Variants in XKR5 observed in about 807,000 individuals in gnomAD.
XKR5 encodes XK related 5, also known as XK-related protein 5.
Under a neutral mutation model 40.8 loss-of-function variants are expected in XKR5, and 46 were observed. The observed-to-expected ratio is 1.13, with a 90% CI of 0.89 to 1.44. The LOEUF is 1.44. Among genes scored for constraint, XKR5 ranks in the 40% most tolerant of loss-of-function variants. The pLI is 0.00. For synonymous variants in XKR5, 466 were observed against 356.1 expected, an observed-to-expected ratio of 1.31 and a Z score of -3.48; for missense variants, 1,169 against 844.7, an observed-to-expected ratio of 1.38 and a Z score of -4.76.
chr8:6,828,061 G>A (rs1439712255), intron 2 of XKR5, among the ~76,000 whole-genome samples: 1 of 151,924 alleles, frequency 6.6e-6, no homozygotes, highest in Non-Finnish European at 1.5e-5. Context: ...AGAGGCAGAA[G>A]ACTCTCGTGA....
intron 2 of XKR5, among the ~76,000 whole-genome samples, chr8:6,829,747 C>T (rs1369944868): frequency 6.6e-6 from 1 of 151,308 alleles, no homozygotes; most frequent in Non-Finnish European, 1.5e-5. Context: ...GAACTCCTGG[C>T]CTCAAGAGAT....
At chr8:6,831,840 C>T (rs192925558) in intron 2 of XKR5, among the ~76,000 whole-genome samples, 3 of 151,946 alleles carry the variant, frequency 2.0e-5, no homozygotes, top group African/African-American at 7.3e-5. Context: ...CCAGTGAAAC[C>T]CTGTTTCGAC....
intron 5 of XKR5, among the ~76,000 whole-genome samples, chr8:6,820,428 G>A (rs1032199828): frequency 3.3e-5 from 5 of 152,256 alleles, no homozygotes; most frequent in African/African-American, 7.2e-5. Flanking sequence ...CCTGGGAGAT[G>A]ACACGGCAAC....
rs1387735385 is a variant in XKR5, at chr8:6,808,585, A to T, written c.*2613T>A. Reference sequence around the variant, plus strand: ...TAGTGTATATTTTCTGATCCTTTTCATCACCGGGCAATATGCTTTCTGGAG... The same window carrying T: ...TAGTGTATATTTTCTGATCCTTTTCTTCACCGGGCAATATGCTTTCTGGAG... On this transcript the variant is annotated 3_prime_UTR_variant, in exon 7 of 7. Coordinates refer to ENST00000618742, the MANE Select transcript of XKR5 (RefSeq NM_207411.5). 1 of 152,122 alleles carries T rather than the reference A, an allele frequency of 6.6e-6. No individual in the cohort carries two copies. Among genetic ancestry groups the T allele is most frequent in the Admixed American group, 6.5e-5 (1 of 15,268 alleles). 9.4% of individuals were successfully genotyped at this position (152,122 alleles called of 1,614,324 possible).
intron 2 of XKR5, among the ~76,000 whole-genome samples, chr8:6,827,947 A>G (rs921465638): frequency 1.3e-5 from 2 of 152,158 alleles, no homozygotes; most frequent in Admixed American, 6.5e-5. Context: ...GGGTGCCTGT[A>G]GTCCCAGCTA....
chr8:6,812,135 C>T lies in XKR5; in HGVS notation c.1124G>A (p.Gly375Glu). 10 of 1,550,426 alleles carry T rather than the reference C, an allele frequency of 6.4e-6. No homozygotes were observed. The highest frequency in any genetic ancestry group is 2.4e-5 in the East Asian group (1 of 40,920). Residue 375 changes from glycine (G) to glutamate (E), a missense_variant, in exon 7 of 7, where the codon GGG becomes GAG. Gly to Glu is a moderately conservative substitution (Grantham distance 98, BLOSUM62 -2). Transcript: ENST00000618742. The stretch of plus-strand genomic sequence containing the variant: ...GACCTGCTCAGGGGTAGGGGGCTTC[C>T]CTAAAATGGTTGGTTCATAACTTGC... ...QGASYEPTIL[G>E]KPPTPEQVPP...
At chr8:6,829,826 CTTTTTTTTTT>C (rs140715953) in intron 2 of XKR5, among the ~76,000 whole-genome samples, 10 of 63,562 alleles carry the variant, frequency 1.6e-4, no homozygotes, top group South Asian at 1.6e-3. Flanking sequence ...CAAATTCTTG[CTTTTTTTTTT>C]TTTTTTTTTT....
At chr8:6,819,439 G>T (rs1031628928) in intron 5 of XKR5, among the ~76,000 whole-genome samples, 4 of 152,224 alleles carry the variant, frequency 2.6e-5, no homozygotes, top group Non-Finnish European at 5.9e-5. Context: ...TTTCTAACCT[G>T]CCCAGAGGCA....
chr8:6,814,539 C>T (rs941874017), intron 6 of XKR5, among the ~76,000 whole-genome samples: 7 of 152,176 alleles, frequency 4.6e-5, no homozygotes, highest in Non-Finnish European at 1.0e-4. Flanking sequence ...GTTCTCCCTG[C>T]ACCTCGACGT....
At chr8:6,825,079 G>T in intron 3 of XKR5, 86 bp downstream of exon 3, 1 of 1,521,622 alleles carries the variant, frequency 6.6e-7, no homozygotes, top group Non-Finnish European at 9.0e-7. Context: ...AGGAAATCTC[G>T]AAGGGAGGGT....
At position 6,808,638 on chromosome 8, in the gene XKR5, G is replaced by C. The variant is rs577330621; in HGVS notation, c.*2560C>G. ...ATGAAGTGAGGAAGCCATCTGAGAA[G>C]CCGATGTTGGTCCACAGGGCCTCGA... On this transcript the variant is annotated 3_prime_UTR_variant, in exon 7 of 7. Transcript: ENST00000618742. The C allele has an allele frequency of 6.6e-6, 1 of 152,192 alleles. No homozygotes were observed. The highest frequency in any genetic ancestry group is 1.5e-5 in the Non-Finnish European group (1 of 68,040). 9.4% of individuals were successfully genotyped at this position (152,192 alleles called of 1,614,324 possible).
At chr8:6,814,849 C>A (rs1400291163) in intron 6 of XKR5, among the ~76,000 whole-genome samples, 3 of 152,222 alleles carry the variant, frequency 2.0e-5, no homozygotes, top group Non-Finnish European at 2.9e-5. Context: ...GCCCCTGCAT[C>A]TCACTAAGTG....
chr8:6,831,315 C>T (rs538075844), intron 2 of XKR5, among the ~76,000 whole-genome samples: 5 of 152,296 alleles, frequency 3.3e-5, no homozygotes, highest in South Asian at 2.1e-4. Context: ...TTCAGGGGAA[C>T]GGCACTGCTT....
chr8:6,825,135 A>T (rs763636426), intron 3 of XKR5, 30 bp downstream of exon 3: 41 of 1,609,866 alleles, frequency 2.5e-5, no homozygotes, highest in Non-Finnish European at 3.2e-5. Context: ...GCAGTCAGAC[A>T]GTCTGTGCTC....
At chr8:6,830,553 G>T (rs1316193204) in intron 2 of XKR5, among the ~76,000 whole-genome samples, 1 of 152,188 alleles carries the variant, frequency 6.6e-6, no homozygotes. Context: ...ACCCGCTTCC[G>T]ATAGCTGTGC....
At position 6,822,039 on chromosome 8, in the gene XKR5, C is replaced by A. The variant is rs752734522; in HGVS notation, c.638-1G>T. On this transcript the variant is annotated splice_acceptor_variant, in intron 4 of 6. Coordinates refer to ENST00000618742, the MANE Select transcript of XKR5 (RefSeq NM_207411.5). LOFTEE classifies it high-confidence loss of function. ...AATGTCATCACCAGCCAGTGGGCAC[C>A]TGCAGAGAAGCCGGGTGCAGACGTC... 2 of 1,602,870 alleles carry A rather than the reference C, an allele frequency of 1.2e-6. No individual in the cohort carries two copies. The highest frequency in any genetic ancestry group is 2.2e-5 in the South Asian group (2 of 89,100).
At position 6,815,816 on chromosome 8, in the gene XKR5, A is replaced by G. The variant is rs762625279; in HGVS notation, c.910T>C (p.Phe304Leu). Residue 304 changes from phenylalanine (F) to leucine (L), a missense_variant, in exon 6 of 7, where the codon TTT becomes CTT. By Grantham distance (22) the Phe-to-Leu change is conservative. Transcript: ENST00000618742. ...TGACATTGGGACTTACCAATCAGAAATCCAGACAGGACCCCAGCTATGGTC... is the reference window on the plus strand; with the variant it reads ...TGACATTGGGACTTACCAATCAGAAGTCCAGACAGGACCCCAGCTATGGTC... Reference protein sequence around the residue: ...LQTIAGVLSGFLIGSVSLVIY... With the variant: ...LQTIAGVLSGLLIGSVSLVIY... The G allele has an allele frequency of 1.2e-6, 2 of 1,600,942 alleles. No individual in the cohort carries two copies. Among genetic ancestry groups the G allele is most frequent in the South Asian group, 2.3e-5 (2 of 88,582 alleles).
In XKR5 at chr8:6,811,833, T is replaced by C; in HGVS notation, c.1426A>G (p.Lys476Glu). Residue 476 changes from lysine (K) to glutamate (E), a missense_variant, in exon 7 of 7, where the codon AAA (lysine) becomes GAA (glutamate). By Grantham distance (56) the Lys-to-Glu change is moderately conservative. Coordinates refer to ENST00000618742, the MANE Select transcript of XKR5 (RefSeq NM_207411.5). ...GTTTCCAATGGGTCGGCCTCTGCTT[T>C]AGGGACACCTTCAAACGCAGAGCTG... Reference protein sequence around the residue: ...ENSSAFEGVPKAEADPLETSS... With the variant: ...ENSSAFEGVPEAEADPLETSS... 1.3e-6 allele frequency: 2 copies of C among 1,537,672 alleles called. No individual in the cohort carries two copies. The highest frequency in any genetic ancestry group is 1.2e-5 in the South Asian group (1 of 84,064).
chr8:6,832,658 T>C (rs1804821367), intron 2 of XKR5, 59 bp downstream of exon 2: 3 of 1,587,562 alleles, frequency 1.9e-6, no homozygotes, highest in Non-Finnish European at 2.6e-6. Flanking sequence ...GGAGAGAAGA[T>C]TCCTCTCACT....
Sources: gnomAD v4.1 joint callset for allele counts (sites outside exome capture counted in the v4.1 genomes callset) on GRCh38, gnomAD v4.1.1 for gene constraint, MANE v1.5 for transcripts, NCBI Gene and HGNC (gene_info 2026-07-23, HGNC 2026-07-21) for gene names.